Variants in TFCP2L1 observed in about 807,000 individuals in gnomAD.
TFCP2L1 encodes transcription factor CP2 like 1.
In TFCP2L1, 12 loss-of-function variants were observed where a neutral mutation model predicts 72.2. The observed-to-expected ratio is 0.17, with a 90% CI of 0.11 to 0.27. TFCP2L1 has a LOEUF of 0.27. TFCP2L1 is among the 10% of genes least tolerant of loss of function. The pLI, the probability that TFCP2L1 is intolerant of heterozygous loss-of-function variation, is 1.00. For synonymous variants in TFCP2L1, 260 were observed against 251.0 expected (o/e 1.04, Z -0.34); for missense variants, 488 against 624.6 (o/e 0.78, Z 2.33).
chr2:121,242,210 G>A (rs931064286), intron 7 of TFCP2L1, 149 bp downstream of exon 7: 31 of 612,418 alleles, frequency 5.1e-5, no homozygotes, highest in Middle Eastern at 3.6e-4. Flanking sequence ...AGATGAACAC[G>A]AGCTCCAGAC....
intron 8 of TFCP2L1, 137 bp downstream of exon 8, chr2:121,239,421 A>G: frequency 1.1e-6 from 1 of 908,318 alleles, no homozygotes; most frequent in Non-Finnish European, 1.8e-6. Context: ...AATGCTGAAG[A>G]CAGTTGTGAC....
chr2:121,281,676 ATTTTTAT>A (rs937761297), intron 1 of TFCP2L1, among the ~76,000 whole-genome samples: 2 of 152,072 alleles, frequency 1.3e-5, no homozygotes, highest in Non-Finnish European at 2.9e-5. Flanking sequence ...CTAAACAAAC[ATTTTTAT>A]TTTTTAATCA....
At chr2:121,270,579 G>A (rs188559398) in intron 2 of TFCP2L1, among the ~76,000 whole-genome samples, 3 of 152,296 alleles carry the variant, frequency 2.0e-5, no homozygotes, top group African/African-American at 7.2e-5. Flanking sequence ...CAAGCCTAAT[G>A]TTCCTCAACA....
chr2:121,241,824 T>C (rs1365557019), intron 7 of TFCP2L1, among the ~76,000 whole-genome samples: 2 of 151,262 alleles, frequency 1.3e-5, no homozygotes, highest in Non-Finnish European at 2.9e-5. Context: ...ACTAGAAAGC[T>C]GTAGGCATCA....
At chr2:121,237,479 G>T in intron 10 of TFCP2L1, 144 bp downstream of exon 10, 1 of 897,516 alleles carries the variant, frequency 1.1e-6, no homozygotes, top group Non-Finnish European at 1.7e-6. Context: ...GTTGGGGCAC[G>T]TGAGCGAGCG....
intron 2 of TFCP2L1, among the ~76,000 whole-genome samples, chr2:121,267,620 A>C (rs926034516): frequency 1.3e-5 from 2 of 151,936 alleles, no homozygotes; most frequent in Non-Finnish European, 2.9e-5. Flanking sequence ...CAGCCTCCCG[A>C]GTAGCTGGGA....
chr2:121,275,616 G>A (rs1458830918), intron 2 of TFCP2L1, among the ~76,000 whole-genome samples: 1 of 133,454 alleles, frequency 7.5e-6, no homozygotes, highest in Admixed American at 8.5e-5. Context: ...TATCACCCAA[G>A]CTAGAGTGCA....
At position 121,219,620 on chromosome 2, in the gene TFCP2L1, GC is replaced by G. The variant is rs1437169503; in HGVS notation, c.*4720del. The G allele has an allele frequency of 6.6e-6, 1 of 152,224 alleles. No homozygotes were observed. The highest frequency in any genetic ancestry group is 6.5e-5 in the Admixed American group (1 of 15,272). 9.4% of individuals were successfully genotyped at this position (152,224 alleles called of 1,614,324 possible). A position where few individuals can be genotyped will look rare whatever the true frequency, so the allele number is the denominator to read the frequency against. On this transcript the variant is annotated 3_prime_UTR_variant, in exon 15 of 15. Transcript: ENST00000263707. ...CACGTAAAGGTCTCCTGCCTGTTGTGCAATTTTCAAAGATTTTTTATTTTCA... is the reference window on the plus strand; with the variant it reads ...CACGTAAAGGTCTCCTGCCTGTTGTGAATTTTCAAAGATTTTTTATTTTCA...
intron 2 of TFCP2L1, among the ~76,000 whole-genome samples, chr2:121,251,164 G>A (rs1469698127): frequency 6.6e-6 from 1 of 151,850 alleles, no homozygotes; most frequent in African/African-American, 2.4e-5. Context: ...ACTGAGACAG[G>A]AGAATCACTT....
At chr2:121,274,350 T>G (rs1406311935) in intron 2 of TFCP2L1, among the ~76,000 whole-genome samples, 1 of 152,110 alleles carries the variant, frequency 6.6e-6, no homozygotes, top group East Asian at 1.9e-4. Context: ...ACCTGAAACT[T>G]TTTGAGTCCT....
At chr2:121,284,015 G>A (rs1687316440) in intron 1 of TFCP2L1, among the ~76,000 whole-genome samples, 1 of 152,170 alleles carries the variant, frequency 6.6e-6, no homozygotes, top group Non-Finnish European at 1.5e-5. Context: ...CCGCCTCCAG[G>A]AAAAGGGGAT....
intron 2 of TFCP2L1, among the ~76,000 whole-genome samples, chr2:121,257,673 G>A (rs1686754787): frequency 6.6e-6 from 1 of 152,240 alleles, no homozygotes; most frequent in South Asian, 2.1e-4. Flanking sequence ...CTTCAGCTTT[G>A]TAGGACATAA....
At chr2:121,231,672 T>TCC (rs1686146002) in intron 13 of TFCP2L1, among the ~76,000 whole-genome samples, 154 bp downstream of exon 13, 1 of 152,232 alleles carries the variant, frequency 6.6e-6, no homozygotes, top group Non-Finnish European at 1.5e-5. Flanking sequence ...CTCAGCACTC[T>TCC]CCATCGCAGC....
Position 121,258,214 on chromosome 2 carries a change from G to A in TFCP2L1, c.215-8567C>T, listed in dbSNP as rs551607459. Among the ~76,000 whole-genome samples, 4 of 152,312 alleles carry A rather than the reference G, an allele frequency of 2.6e-5. No homozygotes were observed. The East Asian group carries it at 7.7e-4, about 29-fold the overall frequency. On this transcript the variant is annotated intron_variant, in intron 2 of 14. Transcript: ENST00000263707. Reference sequence around the variant, plus strand: ...ATTGCTGGCATCCCACAAGGACAGCGATGTGGGGAAATGGGCCCTCGCCTC... The same window carrying A: ...ATTGCTGGCATCCCACAAGGACAGCAATGTGGGGAAATGGGCCCTCGCCTC...
intron 2 of TFCP2L1, among the ~76,000 whole-genome samples, chr2:121,272,421 T>C (rs1229070298): frequency 1.3e-5 from 2 of 152,210 alleles, no homozygotes; most frequent in African/African-American, 4.8e-5. Context: ...TCTTTATTTC[T>C]AAAATGCTAT....
At position 121,241,397 on chromosome 2, in the gene TFCP2L1, C is replaced by T. The variant is rs77345702; in HGVS notation, c.768+962G>A. Among the ~76,000 whole-genome samples, 6 of 151,896 alleles carry T rather than the reference C, an allele frequency of 4.0e-5. No homozygotes were observed. In the East Asian group the frequency reaches 9.6e-4, roughly 24 times the overall value. On this transcript the variant is annotated intron_variant, in intron 7 of 14. Coordinates refer to ENST00000263707, the MANE Select transcript of TFCP2L1 (RefSeq NM_014553.3). ...TGTAATCCCAGGTACTGGGGGAGGC[C>T]GAGGCAGGAGAATCCCTTGAACCCA...
intron 13 of TFCP2L1, among the ~76,000 whole-genome samples, chr2:121,228,772 C>CAAAAAAAAAAA (rs59300568): frequency 1.2e-4 from 7 of 58,178 alleles, no homozygotes; most frequent in South Asian, 8.4e-4. Flanking sequence ...CCGTGACTCA[C>CAAAAAAAAAAA]AAAAAAAAAA....
chr2:121,281,013 GCCCGACCTCA>G, intron 2 of TFCP2L1, 97 bp downstream of exon 2: 1 of 1,474,622 alleles, frequency 6.8e-7, no homozygotes, highest in South Asian at 1.2e-5. Context: ...GCCCGACCTC[GCCCGACCTCA>G]CCCACCGTAA....
chr2:121,269,332 C>G (rs1686996529), intron 2 of TFCP2L1, among the ~76,000 whole-genome samples: 1 of 151,912 alleles, frequency 6.6e-6, no homozygotes. Flanking sequence ...TTTGTAGTAC[C>G]AGCTACTAGG....
Sources: allele counts gnomAD v4.1 joint callset (sites outside exome capture counted in the v4.1 genomes callset), GRCh38; gene constraint gnomAD v4.1.1; transcripts MANE v1.5; gene names NCBI Gene and HGNC (gene_info 2026-07-23, HGNC 2026-07-21).